SFXN5: variants seen among roughly 807,000 people sequenced by gnomAD.
SFXN5 encodes the protein sideroflexin-5.
A neutral mutation model predicts 50.2 loss-of-function variants in SFXN5; 43 were observed. That is an observed-to-expected ratio of 0.86 (90% CI 0.67 to 1.11). SFXN5 has a LOEUF of 1.11. Ranked by LOEUF, SFXN5 falls within the 50% of genes least tolerant of loss-of-function variation. The probability of loss-of-function intolerance (pLI) is 0.00; values close to 1 mark genes in which losing one functional copy is unlikely to be tolerated. For missense variants in SFXN5, 463 were observed against 454.1 expected, an observed-to-expected ratio of 1.02 and a Z score of -0.18; for synonymous variants, 203 against 185.8, an observed-to-expected ratio of 1.09 and a Z score of -0.75.
chr2:72,946,870 C>T (rs1229337163), intron 13 of SFXN5, among the ~76,000 whole-genome samples: 2 of 152,226 alleles, frequency 1.3e-5, no homozygotes, highest in Non-Finnish European at 2.9e-5. Flanking sequence ...CCTCAGGGAT[C>T]AAGTCAGACT....
At chr2:73,046,392 G>A (rs1252083811) in intron 2 of SFXN5, among the ~76,000 whole-genome samples, 19 of 142,828 alleles carry the variant, frequency 1.3e-4, no homozygotes, top group Non-Finnish European at 1.2e-4. Flanking sequence ...CTGGGCAATA[G>A]AGTGAGACTC....
At chr2:73,015,994 A>G (rs962003569) in intron 6 of SFXN5, among the ~76,000 whole-genome samples, 17 of 150,980 alleles carry the variant, frequency 1.1e-4, no homozygotes, top group African/African-American at 3.9e-4. Context: ...CAGTTTTGGT[A>G]AGCTGTATTT....
In SFXN5 at chr2:72,954,418, G is replaced by A. The variant is rs548190611; in HGVS notation, c.945+6713C>T. On this transcript the variant is annotated intron_variant, in intron 13 of 13. Coordinates refer to ENST00000272433, the MANE Select transcript of SFXN5 (RefSeq NM_144579.3). ...TGCTGAGGCTTCAGGGAAGGCAGAC[G>A]GCAGATGCCAACAAACCAACAAGAC... Among the ~76,000 whole-genome samples the A allele has an allele frequency of 1.2e-4, 18 of 152,272 alleles. 1 individual carries two copies. In the South Asian group the frequency reaches 3.1e-3, roughly 26 times the overall value.
chr2:73,041,290 C>T (rs1013370982), intron 2 of SFXN5, among the ~76,000 whole-genome samples: 15 of 152,054 alleles, frequency 9.9e-5, no homozygotes, highest in African/African-American at 3.6e-4. Context: ...TCAGAAAAGC[C>T]CTAGAAGGAG....
At chr2:73,056,557 C>T (rs1682155385) in intron 2 of SFXN5, among the ~76,000 whole-genome samples, 1 of 148,824 alleles carries the variant, frequency 6.7e-6, no homozygotes, top group South Asian at 2.1e-4. Flanking sequence ...TGGTGGCGCA[C>T]ACCTGTAATC....
intron 2 of SFXN5, among the ~76,000 whole-genome samples, chr2:73,052,721 ATGT>A (rs1014909671): frequency 6.6e-6 from 1 of 152,194 alleles, no homozygotes; most frequent in Admixed American, 6.5e-5. Flanking sequence ...AGTAATTCAG[ATGT>A]TGTACAGCCT....
chr2:73,006,582 A>G (rs537971719), intron 6 of SFXN5, among the ~76,000 whole-genome samples: 1 of 151,630 alleles, frequency 6.6e-6, no homozygotes, highest in South Asian at 2.1e-4. Context: ...AGATCACACC[A>G]CTGCACTCCA....
In SFXN5 at chr2:72,988,288, T is replaced by C. The variant is rs561072471; in HGVS notation, c.595A>G (p.Ile199Val). 1 of 1,613,862 alleles carries C rather than the reference T, an allele frequency of 6.2e-7. No homozygotes were observed. Among genetic ancestry groups the C allele is most frequent in the African/African-American group, 1.3e-5 (1 of 75,024 alleles). Residue 199 changes from isoleucine to valine, a missense_variant, in exon 10 of 14, where the codon ATC (isoleucine) becomes GTC (valine). Physicochemically the swap from Ile to Val is conservative, Grantham distance 29 (BLOSUM62 3). Coordinates refer to ENST00000272433, the MANE Select transcript of SFXN5 (RefSeq NM_144579.3). Reference protein sequence around the residue: ...NKFTPATRLLIQRFVPFPAVA... With the variant: ...NKFTPATRLLVQRFVPFPAVA... ...GCAGGGAACGGCACAAACCTCTGGA[T>C]GAGAAGGCGGGTGGCTGGGGTGAAC...
chr2:73,069,335 G>C (rs1417129296), intron 1 of SFXN5, among the ~76,000 whole-genome samples: 2 of 152,082 alleles, frequency 1.3e-5, no homozygotes, highest in Non-Finnish European at 2.9e-5. Context: ...AGTAGAGATG[G>C]GTGGACTTGA....
chr2:73,071,545 G>C, intron 1 of SFXN5, 59 bp downstream of exon 1: 1 of 1,509,052 alleles, frequency 6.6e-7, no homozygotes, highest in Non-Finnish European at 9.1e-7. Flanking sequence ...CTTTGGAGGG[G>C]AGTTTGCTCG....
At chr2:73,034,024 A>G (rs1355223724) in intron 3 of SFXN5, among the ~76,000 whole-genome samples, 1 of 152,156 alleles carries the variant, frequency 6.6e-6, no homozygotes, top group Non-Finnish European at 1.5e-5. Context: ...GGAACAAACA[A>G]TGTCCTGTAT....
At chr2:73,018,946 G>A (rs936135506) in intron 6 of SFXN5, among the ~76,000 whole-genome samples, 5 of 152,126 alleles carry the variant, frequency 3.3e-5, no homozygotes, top group Admixed American at 1.3e-4. Context: ...TATCCAAGAG[G>A]AATGAGGGCA....
rs373893188 is a variant in SFXN5 at position 73,017,894 on chromosome 2, A to C, written c.357+2345T>G. Among the ~76,000 whole-genome samples, 5 of 152,284 alleles carry C rather than the reference A, an allele frequency of 3.3e-5. No homozygotes were observed. The South Asian group carries it at 1.0e-3, about 32-fold the overall frequency. The stretch of plus-strand genomic sequence containing the variant: ...AAAGGAAATAGGGCTCCTTGGAGAA[A>C]TCAATTATTCTAGGATGGGGGTGAA... On this transcript the variant is annotated intron_variant, in intron 6 of 13. Transcript: ENST00000272433.
intron 10 of SFXN5, chr2:72,980,892 G>GCATTA (rs1337607574): frequency 7.0e-6 from 1 of 143,698 alleles, no homozygotes; most frequent in Non-Finnish European, 1.5e-5. Context: ...CCCTCCCTCT[G>GCATTA]CATTACACCT....
chr2:72,989,868 G>A (rs1335107519), intron 9 of SFXN5, among the ~76,000 whole-genome samples: 4 of 152,238 alleles, frequency 2.6e-5, no homozygotes, highest in Non-Finnish European at 4.4e-5. Context: ...TCTGGGAAGC[G>A]TGGGAGGAGC....
intron 7 of SFXN5, among the ~76,000 whole-genome samples, chr2:73,000,851 T>C (rs989231753): frequency 6.6e-6 from 1 of 152,162 alleles, no homozygotes; most frequent in Admixed American, 6.5e-5. Flanking sequence ...TGGACAAAAG[T>C]TGGCCTAGAA....
At chr2:73,052,941 G>T (rs1247696695) in intron 2 of SFXN5, among the ~76,000 whole-genome samples, 2 of 152,210 alleles carry the variant, frequency 1.3e-5, no homozygotes, top group Non-Finnish European at 2.9e-5. Context: ...ACTCTGGGAG[G>T]CCAAGGCGGG....
At chr2:73,070,973 T>A (rs1287506972) in intron 1 of SFXN5, 1 of 152,354 alleles carries the variant, frequency 6.6e-6, no homozygotes, top group Non-Finnish European at 1.5e-5. Context: ...TCGGCCGGCT[T>A]GCTGCGTCAG....
chr2:73,012,745 G>A (rs1416148971), intron 6 of SFXN5, among the ~76,000 whole-genome samples: 1 of 146,100 alleles, frequency 6.8e-6, no homozygotes, highest in African/African-American at 2.5e-5. Flanking sequence ...GTTAAGAAAG[G>A]CTTTATAAAT....
Sources: allele counts gnomAD v4.1 joint callset (sites outside exome capture counted in the v4.1 genomes callset), GRCh38; gene constraint gnomAD v4.1.1; transcripts MANE v1.5; gene names NCBI Gene and HGNC (gene_info 2026-07-23, HGNC 2026-07-21).